SRSF11: variants seen among roughly 807,000 people sequenced by gnomAD.
The protein encoded by SRSF11 is serine and arginine rich splicing factor 11, also known as serine/arginine-rich splicing factor 11.
Under a neutral mutation model 56.0 loss-of-function variants are expected in SRSF11, and 9 were observed. That is an observed-to-expected ratio of 0.16 (90% CI 0.10 to 0.28). The LOEUF is 0.28. Among genes scored for constraint, SRSF11 ranks in the 10% least tolerant of loss-of-function variants. The pLI, the probability that SRSF11 is intolerant of heterozygous loss-of-function variation, is 1.00. For synonymous variants in SRSF11, 222 were observed against 215.3 expected (o/e 1.03, Z -0.27); for missense variants, 421 against 600.7 (o/e 0.70, Z 3.13).
chr1:70,239,631 C>A (rs1385616483), intron 7 of SRSF11, 111 bp downstream of exon 7: 2 of 762,384 alleles, frequency 2.6e-6, no homozygotes, highest in Non-Finnish European at 4.2e-6. Flanking sequence ...GTTTTAGTAA[C>A]CTCTGCTGTT....
intron 1 of SRSF11, among the ~76,000 whole-genome samples, chr1:70,212,295 C>T (rs906977789): frequency 5.4e-4 from 82 of 152,164 alleles, no homozygotes; most frequent in African/African-American, 1.9e-3. Flanking sequence ...CTCACTCTGT[C>T]GCCCAGGCTG....
At chr1:70,218,270 C>G (rs552453820), upstream of SRSF11, among the ~76,000 whole-genome samples, 9 of 152,334 alleles carry the variant, frequency 5.9e-5, no homozygotes, top group South Asian at 1.9e-3. Context: ...ACCTGGCCAA[C>G]AGGGCTGGTA....
At chr1:70,239,832 A>G (rs1304768994) in intron 7 of SRSF11, among the ~76,000 whole-genome samples, 1 of 152,220 alleles carries the variant, frequency 6.6e-6, no homozygotes, top group African/African-American at 2.4e-5. Flanking sequence ...TTTGTTATCT[A>G]GTGTCAAAAA....
chr1:70,246,343 C>T (rs993146099), intron 8 of SRSF11, among the ~76,000 whole-genome samples: 11 of 152,050 alleles, frequency 7.2e-5, no homozygotes, highest in Non-Finnish European at 1.5e-4. Context: ...ATAATAGCCG[C>T]AGAAAAAGAA....
intron 7 of SRSF11, among the ~76,000 whole-genome samples, chr1:70,241,958 G>C (rs1675514391): frequency 6.6e-6 from 1 of 152,176 alleles, no homozygotes. Flanking sequence ...CACAAGGTCA[G>C]GAGATTGAGA....
At chr1:70,249,836 A>G in intron 9 of SRSF11, 116 bp from the exon 10 acceptor site, 1 of 1,080,100 alleles carries the variant, frequency 9.3e-7, no homozygotes, top group East Asian at 2.5e-5. Flanking sequence ...CTGGGATTAT[A>G]GGCATGAGCC....
intron 1 of SRSF11, among the ~76,000 whole-genome samples, chr1:70,226,273 A>C (rs1405778780): frequency 1.3e-5 from 2 of 152,124 alleles, no homozygotes; most frequent in Non-Finnish European, 2.9e-5. Flanking sequence ...TTTTAAACCC[A>C]TCTAAAGGAG....
At position 70,250,059 on chromosome 1, in the gene SRSF11, A is replaced by C. The variant is rs768857933; in HGVS notation, c.1118+12A>C. On this transcript the variant is annotated intron_variant, in intron 10 of 11. Transcript: ENST00000370949. ...CCATCCCCTAGGAGGTAAGAATGTT[A>C]ATCATTTAAATGTATTTTTTATATT... 1 of 1,589,062 alleles carries C rather than the reference A, an allele frequency of 6.3e-7. No individual in the cohort carries two copies. The highest frequency in any genetic ancestry group is 8.6e-7 in the Non-Finnish European group (1 of 1,160,758).
chr1:70,240,069 G>T (rs1264347747), intron 7 of SRSF11, among the ~76,000 whole-genome samples: 10 of 152,174 alleles, frequency 6.6e-5, no homozygotes, highest in African/African-American at 2.4e-4. Context: ...ATTCTCAAAG[G>T]TGATAATGAA....
intron 2 of SRSF11, chr1:70,231,611 C>T (rs1672859677): frequency 1.8e-6 from 2 of 1,135,256 alleles, no homozygotes; most frequent in South Asian, 2.0e-5. Context: ...CTTTCTCTCT[C>T]ACTCCCATGC....
Position 70,232,389 on chromosome 1 carries a change from A to G in SRSF11, c.447+12A>G, listed in dbSNP as rs1299880386. 2.5e-6 allele frequency: 4 copies of G among 1,594,412 alleles called. No homozygotes were observed. The highest frequency in any genetic ancestry group is 2.3e-5 in the South Asian group (2 of 88,404). ...ACCCACTTACCCAGGTACTAGTTCT[A>G]TTGAATTCTTAAAGGGTGGGGAAAA... is the stretch of plus-strand genomic sequence containing the variant. On this transcript the variant is annotated intron_variant, in intron 3 of 11. Transcript: ENST00000370949.
chr1:70,208,875 C>A (rs1160485494), intron 1 of SRSF11, among the ~76,000 whole-genome samples: 1 of 152,190 alleles, frequency 6.6e-6, no homozygotes, highest in African/African-American at 2.4e-5. Context: ...TTTTTCAACA[C>A]TGGCATTTAA....
intron 7 of SRSF11, 137 bp from the exon 8 acceptor site, chr1:70,244,547 T>A (rs1254206398): frequency 6.5e-6 from 6 of 925,888 alleles, no homozygotes; most frequent in Non-Finnish European, 3.2e-6. Flanking sequence ...ATGGGCTAAA[T>A]AATAGCAAAT....
rs763729609 is a variant in SRSF11 at position 70,221,709 on chromosome 1, G to A, written c.73G>A (p.Gly25Ser). 11 of 1,613,292 alleles carry A rather than the reference G, an allele frequency of 6.8e-6. No individual in the cohort carries two copies. Among genetic ancestry groups the A allele is most frequent in the Admixed American group, 1.7e-5 (1 of 59,972 alleles). The change falls in exon 1 of 12, where the codon GGT (glycine) becomes AGT (serine). Residue 25 changes from glycine (G) to serine (S), a missense_variant. This residue lies in a region of SRSF11 where 168 missense variants were observed against 294.9 expected (regional missense o/e 0.57). Transcript: ENST00000370949. Reference protein sequence around the residue: ...PSGGPGGGGGGGGGGGGTEVI... With the variant: ...PSGGPGGGGGSGGGGGGTEVI... ...CGGCGGGCCCGGTGGCGGAGGTGGT[G>A]GTGGCGGCGGAGGCGGCGGCACCGA...
At position 70,250,673 on chromosome 1, in the gene SRSF11, G is replaced by A. The variant is rs2101043785; in HGVS notation, c.1323G>A (p.Glu441=). 1 of 1,613,926 alleles carries A rather than the reference G, an allele frequency of 6.2e-7. No individual in the cohort carries two copies. The highest frequency in any genetic ancestry group is 2.2e-5 in the East Asian group (1 of 44,840). ...ACAGTGAGAAAGAGAAAAAAGAAGA[G>A]AAGAAACCAATAGAAACAGGTTCCC... ...GYDSEKEKKE[E]KKPIETGSPK... Residue 441 remains glutamate (E), a synonymous_variant, in exon 12 of 12, where the codon GAG becomes GAA. Transcript: ENST00000370949.
At chr1:70,220,157 A>G (rs567297827), upstream of SRSF11, among the ~76,000 whole-genome samples, 35 of 152,346 alleles carry the variant, frequency 2.3e-4, no homozygotes, top group Middle Eastern at 3.4e-3. Flanking sequence ...ATACATGTCA[A>G]TAATAAATAC....
intron 5 of SRSF11, among the ~76,000 whole-genome samples, chr1:70,236,932 C>T (rs1411369481): frequency 2.0e-5 from 3 of 149,952 alleles, no homozygotes; most frequent in African/African-American, 7.4e-5. Flanking sequence ...GGACTACAGG[C>T]GCCTGCCACC....
intron 7 of SRSF11, 87 bp downstream of exon 7, chr1:70,239,607 C>T (rs1674872744): frequency 9.8e-7 from 1 of 1,015,772 alleles, no homozygotes; most frequent in East Asian, 2.6e-5. Context: ...AATCTGTTAT[C>T]CTCTGGTTAA....
chr1:70,216,830 T>C (rs571652352), upstream of SRSF11, among the ~76,000 whole-genome samples: 6 of 152,346 alleles, frequency 3.9e-5, no homozygotes, highest in East Asian at 1.2e-3. Flanking sequence ...GAACCTTCTC[T>C]GTGCATACTT....
Sources: allele counts gnomAD v4.1 joint callset (sites outside exome capture counted in the v4.1 genomes callset), GRCh38; gene constraint gnomAD v4.1.1; regional missense constraint gnomAD v4.1.1; transcripts MANE v1.5; gene names NCBI Gene and HGNC (gene_info 2026-07-23, HGNC 2026-07-21).